The following FLCN variants were observed in gnomAD, a reference collection of about 807,000 sequenced individuals.
FLCN encodes the protein BHD skin lesion fibrofolliculoma protein.
In FLCN, 22 loss-of-function variants were observed where a neutral mutation model predicts 62.5. The observed-to-expected ratio is 0.35, with a 90% CI of 0.25 to 0.50. The LOEUF (loss-of-function observed/expected upper bound fraction) is 0.50, where lower values mean the gene tolerates loss of function less well. Among genes scored for constraint, FLCN ranks in the 20% least tolerant of loss-of-function variants. The pLI, the probability that FLCN is intolerant of heterozygous loss-of-function variation, is 0.97. For missense variants in FLCN, 657 were observed against 778.0 expected, an observed-to-expected ratio of 0.84 and a Z score of 1.85; for synonymous variants, 319 against 310.0, an observed-to-expected ratio of 1.03 and a Z score of -0.30.
At chr17:17,219,350 C>G (rs1446328667) in intron 8 of FLCN, 141 bp from the exon 9 acceptor site, 7 of 467,720 alleles carry the variant, frequency 1.5e-5, no homozygotes, top group Admixed American at 1.4e-4. Context: ...CCCTGTTGCT[C>G]TGGGAGCCCT....
chr17:17,217,293 T>G, intron 9 of FLCN, 111 bp from the exon 10 acceptor site: 1 of 796,736 alleles, frequency 1.3e-6, no homozygotes, highest in South Asian at 1.5e-5. Context: ...AAGACAGGGC[T>G]CAGGAGAAAG....
At position 17,216,993 on chromosome 17, in the gene FLCN, T is replaced by C. The variant is rs1406007859; in HGVS notation, c.1176+76A>G. On this transcript the variant is annotated intron_variant, in intron 10 of 13. Transcript: ENST00000285071. This position sits in a 1 kb window ranked among gnomAD's most constrained non-coding sequence, Gnocchi z 4.0. Reference sequence around the variant, plus strand: ...TTCTGTGCTGGGCAGTCGGTGCACCTTGGCATCCCCACCTGACGCCAGGCA... The same window carrying C: ...TTCTGTGCTGGGCAGTCGGTGCACCCTGGCATCCCCACCTGACGCCAGGCA... The C allele has an allele frequency of 7.3e-6, 8 of 1,096,116 alleles. No homozygotes were observed. The highest frequency in any genetic ancestry group is 6.2e-5 in the African/African-American group (4 of 64,804). 67.9% of individuals were successfully genotyped at this position (1,096,116 alleles called of 1,614,324 possible). A position where few individuals can be genotyped will look rare whatever the true frequency, so the allele number is the denominator to read the frequency against.
chr17:17,219,564 AC>A, intron 8 of FLCN: 1 of 137,500 alleles, frequency 7.3e-6, no homozygotes, highest in South Asian at 1.3e-4. Flanking sequence ...TTTTTTTTCC[AC>A]TTTTTTTTTT....
chr17:17,230,765 C>A (rs571118697), intron 3 of FLCN, among the ~76,000 whole-genome samples: 9 of 150,940 alleles, frequency 6.0e-5, no homozygotes, highest in African/African-American at 2.2e-4. Context: ...TGGTGGCGCA[C>A]GCTTGTAGTC....
At position 17,224,181 on chromosome 17, in the gene FLCN, G is replaced by A. The variant is rs761476392; in HGVS notation, c.397-38C>T. The A allele has an allele frequency of 7.2e-5, 109 of 1,522,998 alleles. No individual in the cohort carries two copies. Among genetic ancestry groups the A allele is most frequent in the African/African-American group, 2.8e-5 (2 of 72,646 alleles). The allele number at this position is 1,522,998 out of a possible 1,614,324, so 94.3% of individuals were successfully genotyped here. On this transcript the variant is annotated intron_variant, in intron 5 of 13. Transcript: ENST00000285071. ...CGGCGACTCAGACAGCCCTTTCCTC[G>A]CTTAGTGACACCAAATCAAAGCCTC...
rs79248566 is a variant in FLCN at position 17,217,483 on chromosome 17, T to G, written c.1063-301A>C. On this transcript the variant is annotated intron_variant, in intron 9 of 13. Transcript: ENST00000285071. Reference sequence around the variant, plus strand: ...AACTTTGTGCAATATTCACCTTCTCTCTACAGACACTTTCTGCTGAACCAT... The same window carrying G: ...AACTTTGTGCAATATTCACCTTCTCGCTACAGACACTTTCTGCTGAACCAT... 3,937 of 441,712 alleles carry G rather than the reference T, an allele frequency of 8.9e-3. 132 individuals carry two copies. The highest frequency in any genetic ancestry group is 0.072 in the African/African-American group (3,559 of 49,728). The allele number at this position is 441,712 out of a possible 1,614,324, so 27.4% of individuals were successfully genotyped here.
At position 17,217,074 on chromosome 17, in the gene FLCN, G is replaced by A. The variant is rs1555607942; in HGVS notation, c.1171C>T (p.Leu391Phe). 1.2e-6 allele frequency: 2 copies of A among 1,608,986 alleles called. No homozygotes were observed. The highest frequency in any genetic ancestry group is 8.5e-7 in the Non-Finnish European group (1 of 1,175,378). ...VDLVQSAFEVLRTMLPVGCVR... is the reference protein window; with the variant it reads ...VDLVQSAFEVFRTMLPVGCVR... The stretch of plus-strand genomic sequence containing the variant: ...TAAGGAAAAGATGTTCTCACCCGAA[G>A]TACTTCAAAAGCTGACTGGACGAGG... The change falls in exon 10 of 14, where the codon CTT (leucine) becomes TTT (phenylalanine). Residue 391 changes from leucine to phenylalanine, a missense_variant. Leu to Phe is a conservative substitution (Grantham distance 22). Transcript: ENST00000285071.
rs1268456033 is a variant in FLCN, at chr17:17,227,827, T to C, written c.249+62A>G. 4 of 1,612,420 alleles carry C rather than the reference T, an allele frequency of 2.5e-6. No individual in the cohort carries two copies. In the African/African-American group the frequency reaches 5.3e-5, roughly 22 times the overall value. On this transcript the variant is annotated intron_variant, in intron 4 of 13. Transcript: ENST00000285071. ...GGAGGCCCCGTCCACTGCTCTCAGGTCCTCCTGTCCATCCCACACCTACTG... is the reference window on the plus strand; with the variant it reads ...GGAGGCCCCGTCCACTGCTCTCAGGCCCTCCTGTCCATCCCACACCTACTG...
intron 1 of FLCN, among the ~76,000 whole-genome samples, chr17:17,234,180 G>C (rs975176570): frequency 3.3e-5 from 5 of 151,036 alleles, no homozygotes; most frequent in Non-Finnish European, 7.4e-5. Context: ...AGCACCCAGA[G>C]CCAACATGGG....
Position 17,216,374 on chromosome 17 carries a change from A to G in FLCN, c.1300+6T>C. 6.2e-7 allele frequency: 1 copy of G among 1,613,254 alleles called. No individual in the cohort carries two copies. The highest frequency in any genetic ancestry group is 8.5e-7 in the Non-Finnish European group (1 of 1,179,632). ...GCATGGCCCCACAGCCCGCGGGGGC[A>G]CGCACCTGAGGAGAGCACGTGGGGG... On this transcript the variant is annotated splice_donor_region_variant and intron_variant, in intron 11 of 13. Coordinates refer to ENST00000285071, the MANE Select transcript of FLCN (RefSeq NM_144997.7). This position sits in a 1 kb window ranked among gnomAD's most constrained non-coding sequence, Gnocchi z 4.0.
rs149863088 is a variant in FLCN at position 17,221,416 on chromosome 17, G to A, written c.871+121C>T. On this transcript the variant is annotated intron_variant, in intron 8 of 13. Coordinates refer to ENST00000285071, the MANE Select transcript of FLCN (RefSeq NM_144997.7). The stretch of plus-strand genomic sequence containing the variant: ...CGGAGGGTGAGCTTCCCGAAGGCTC[G>A]TTCTGGGCTGATTCAGAGCCGCGTT... 6.8e-5 allele frequency: 109 copies of A among 1,613,730 alleles called. No homozygotes were observed. In the African/African-American group the frequency reaches 8.1e-4, roughly 12 times the overall value.
rs1489478565 is a variant in FLCN, at chr17:17,234,144, G to A, written c.-227-1243C>T. ...CTTCTCAAGCAGGAGAGGGAAACCA[G>A]AGGCAACGCTGACAAGCCACTTCCC... On this transcript the variant is annotated intron_variant, in intron 1 of 13. Transcript: ENST00000285071. Among the ~76,000 whole-genome samples the A allele has an allele frequency of 3.3e-5, 5 of 151,626 alleles. No homozygotes were observed. In the East Asian group the frequency reaches 7.8e-4, roughly 24 times the overall value.
chr17:17,221,173 A>C, intron 8 of FLCN: 1 of 1,470,268 alleles, frequency 6.8e-7, no homozygotes. Context: ...GGACGAACTG[A>C]AACAGAACAC....
At chr17:17,214,889 TC>T in intron 13 of FLCN, 95 bp downstream of exon 13, 1 of 1,310,070 alleles carries the variant, frequency 7.6e-7, no homozygotes, top group Non-Finnish European at 1.1e-6. Context: ...TCTCGGCTCC[TC>T]CCTCAGTGGC....
intron 8 of FLCN, chr17:17,221,087 A>C: frequency 8.2e-7 from 1 of 1,221,574 alleles, no homozygotes; most frequent in Non-Finnish European, 1.1e-6. Context: ...ACAGGGCCCC[A>C]AGCCCCAGAT....
chr17:17,217,255 T>C, intron 9 of FLCN, 73 bp from the exon 10 acceptor site: 3 of 1,034,310 alleles, frequency 2.9e-6, no homozygotes, highest in Non-Finnish European at 4.5e-6. Flanking sequence ...ATGAAGTTAT[T>C]TGTGTGTTCA....
chr17:17,217,555 T>C (rs977417993), intron 9 of FLCN: 24 of 356,036 alleles, frequency 6.7e-5, no homozygotes, highest in African/African-American at 4.9e-4. Context: ...CCCAGGAGAA[T>C]AAGGGCATCT....
At position 17,215,201 on chromosome 17, in the gene FLCN, A is replaced by G. The variant is rs1420039293; in HGVS notation, c.1416T>C (p.Pro472=). The change falls in exon 12 of 14, where the codon CCT becomes CCC. Residue 472 remains proline (P), a synonymous_variant. Transcript: ENST00000285071. ...GGCACCCACCTCGGTCTGCAGCTACAGGGCTCCCACTGGTCACCACAAACT... is the reference window on the plus strand; with the variant it reads ...GGCACCCACCTCGGTCTGCAGCTACGGGGCTCCCACTGGTCACCACAAACT... The part of the protein sequence containing the change: ...KYEFVVTSGS[P]VAADRVGPTI... The G allele has an allele frequency of 1.2e-6, 2 of 1,614,068 alleles. No individual in the cohort carries two copies. Among genetic ancestry groups the G allele is most frequent in the South Asian group, 1.1e-5 (1 of 91,096 alleles).
Position 17,212,400 on chromosome 17 carries a change from A to G in FLCN, c.*1255T>C, listed in dbSNP as rs2046788083. On this transcript the variant is annotated 3_prime_UTR_variant, in exon 14 of 14. Transcript: ENST00000285071. ...TATAGTGGGGGGTACCTGTAGCTGT[A>G]TGTTGAAGCAGGAGGACTGCTTGAA... The G allele has an allele frequency of 1.3e-5, 2 of 149,788 alleles. No individual in the cohort carries two copies. Among genetic ancestry groups the G allele is most frequent in the Non-Finnish European group, 2.9e-5 (2 of 69,924 alleles). The allele number at this position is 149,788 out of a possible 1,614,324, so 9.3% of individuals were successfully genotyped here. A position where few individuals can be genotyped will look rare whatever the true frequency, so the allele number is the denominator to read the frequency against.
Sources: gnomAD v4.1 joint callset for allele counts (sites outside exome capture counted in the v4.1 genomes callset) on GRCh38, gnomAD v4.1.1 for gene constraint, Gnocchi (gnomAD v3.1) non-coding constraint, MANE v1.5 for transcripts, NCBI Gene and HGNC (gene_info 2026-07-23, HGNC 2026-07-21) for gene names.